DMRT2: variants seen among roughly 807,000 people sequenced by gnomAD.
The protein encoded by DMRT2 is doublesex- and mab-3-related transcription factor 2.
DMRT2 carries 33 observed loss-of-function variants against 43.5 expected under a neutral mutation model. That is an observed-to-expected ratio of 0.76 (90% CI 0.58 to 1.01). The LOEUF is 1.01. Among genes scored for constraint, DMRT2 ranks in the 50% least tolerant of loss-of-function variants. The pLI is 0.00. For synonymous variants in DMRT2, 395 were observed against 309.2 expected (o/e 1.28, Z -2.91); for missense variants, 1,064 against 748.0 (o/e 1.42, Z -4.93).
intron 3 of DMRT2, chr9:1,055,999 C>T (rs915713701): frequency 1.7e-5 from 24 of 1,412,862 alleles, no homozygotes; most frequent in Non-Finnish European, 2.2e-5. Flanking sequence ...AGAACAAGAA[C>T]AACAACAAGA....
Position 1,057,497 on chromosome 9 carries a change from C to CCTG in DMRT2, c.*224_*225insCTG. The CCTG allele has an allele frequency of 2.1e-6, 1 of 486,566 alleles. No homozygotes were observed. The highest frequency in any genetic ancestry group is 3.6e-6 in the Non-Finnish European group (1 of 281,072). 30.1% of individuals were successfully genotyped at this position (486,566 alleles called of 1,614,324 possible). A position where few individuals can be genotyped will look rare whatever the true frequency, so the allele number is the denominator to read the frequency against. ...AATGTGCAAATTGTTAAGTACCACA[C>CCTG]TTTACACAGCATTTCAAAAAGCAAT... On this transcript the variant is annotated 3_prime_UTR_variant, in exon 4 of 4. Transcript: ENST00000358146.
chr9:1,056,952 C>A lies in DMRT2; in HGVS notation c.1365C>A (p.Ile455=). 4 of 1,614,194 alleles carry A rather than the reference C, an allele frequency of 2.5e-6. No individual in the cohort carries two copies. Among genetic ancestry groups the A allele is most frequent in the Non-Finnish European group, 3.4e-6 (4 of 1,180,036 alleles). The change falls in exon 4 of 4, where the codon ATC becomes ATA. Residue 455 remains isoleucine (I), a synonymous_variant. Coordinates refer to ENST00000358146, the MANE Select transcript of DMRT2 (RefSeq NM_181872.6). Reference sequence around the variant, plus strand: ...CTCAAGGGCATGTCTTAACGAAGATCAGCAAAGAAAACACCAGGCACCCTC... The same window carrying A: ...CTCAAGGGCATGTCTTAACGAAGATAAGCAAAGAAAACACCAGGCACCCTC... ...LAAQGHVLTK[I]SKENTRHPLP...
rs533882403 is a variant in DMRT2, at chr9:1,055,884, C to G, written c.629-332C>G. 94 of 1,498,672 alleles carry G rather than the reference C, an allele frequency of 6.3e-5. No homozygotes were observed. The South Asian group carries it at 7.6e-4, about 12-fold the overall frequency. The allele number at this position is 1,498,672 out of a possible 1,614,324, so 92.8% of individuals were successfully genotyped here. A position where few individuals can be genotyped will look rare whatever the true frequency, so the allele number is the denominator to read the frequency against. ...TGATACAAGATAAATAGTCTTGTCT[C>G]TTAATGCGTAGGGGGCCTGGGAAGA... On this transcript the variant is annotated intron_variant, in intron 3 of 3. Transcript: ENST00000358146.
Position 1,051,947 on chromosome 9 carries a change from G to A in DMRT2, c.334G>A (p.Ala112Thr). The A allele has an allele frequency of 7.3e-7, 1 of 1,375,318 alleles. No individual in the cohort carries two copies. Among genetic ancestry groups the A allele is most frequent in the Non-Finnish European group, 9.3e-7 (1 of 1,072,346 alleles). The allele number at this position is 1,375,318 out of a possible 1,614,324, so 85.2% of individuals were successfully genotyped here. A position where few individuals can be genotyped will look rare whatever the true frequency, so the allele number is the denominator to read the frequency against. The part of the protein sequence containing the change: ...RERCTPAGGG[A>T]EPRKLSRTPK... ...GCGCTGCACTCCCGCGGGCGGCGGC[G>A]CGGAGCCGCGCAAGCTGAGCCGCAC... Residue 112 changes from alanine to threonine, a missense_variant, in exon 2 of 4, where the codon GCG becomes ACG. Transcript: ENST00000358146. This position sits in a 1 kb window ranked among gnomAD's most constrained non-coding sequence, Gnocchi z 5.9.
At position 1,057,147 on chromosome 9, in the gene DMRT2, A is replaced by G. The variant is rs1822062331; in HGVS notation, c.1560A>G (p.Arg520=). ...AGAAGTACACATTTACAATAGATAGATGTGCAAAAGACCTTTTTGTAGCCA... is the reference window on the plus strand; with the variant it reads ...AGAAGTACACATTTACAATAGATAGGTGTGCAAAAGACCTTTTTGTAGCCA... ...DNQKYTFTID[R]CAKDLFVAKQ... The change falls in exon 4 of 4, where the codon AGA becomes AGG. Residue 520 remains arginine, a synonymous_variant. Coordinates refer to ENST00000358146, the MANE Select transcript of DMRT2 (RefSeq NM_181872.6). 1.2e-6 allele frequency: 2 copies of G among 1,614,120 alleles called. No individual in the cohort carries two copies. The highest frequency in any genetic ancestry group is 2.2e-5 in the East Asian group (1 of 44,864).
chr9:1,056,172 C>A, intron 3 of DMRT2, 44 bp from the exon 4 acceptor site: 1 of 1,548,942 alleles, frequency 6.5e-7, no homozygotes, highest in Non-Finnish European at 8.7e-7. Context: ...ATTTTTATTC[C>A]GTAGATGTTA....
rs756386682 is a variant in DMRT2, at chr9:1,052,108, G to C, written c.495G>C (p.Gln165His). The C allele has an allele frequency of 1.4e-6, 2 of 1,428,608 alleles. No homozygotes were observed. The highest frequency in any genetic ancestry group is 1.8e-6 in the Non-Finnish European group (2 of 1,097,536). The allele number at this position is 1,428,608 out of a possible 1,614,324, so 88.5% of individuals were successfully genotyped here. ...VVERQRVMAA[Q>H]VALRRQQATE... ...AGCGGCAGCGCGTCATGGCCGCCCA[G>C]GTGGCGCTCCGGAGGCAGCAGGCCA... The change falls in exon 2 of 4, where the codon CAG becomes CAC. Residue 165 changes from glutamine to histidine, a missense_variant. Gln to His is a conservative substitution (Grantham distance 24, BLOSUM62 0). Coordinates refer to ENST00000358146, the MANE Select transcript of DMRT2 (RefSeq NM_181872.6).
rs150135765 is a variant in DMRT2, at chr9:1,056,973, C to T, written c.1386C>T (p.His462=). Residue 462 remains histidine, a synonymous_variant, in exon 4 of 4, where the codon CAC becomes CAT. Coordinates refer to ENST00000358146, the MANE Select transcript of DMRT2 (RefSeq NM_181872.6). ...AGATCAGCAAAGAAAACACCAGGCA[C>T]CCTCTGCCACTTAGACATAATCCAT... ...LTKISKENTR[H]PLPLRHNPFH... The T allele has an allele frequency of 9.3e-6, 15 of 1,614,206 alleles. No individual in the cohort carries two copies. In the East Asian group the frequency reaches 2.7e-4, roughly 29 times the overall value.
At chr9:1,053,216 G>C (rs573214787) in intron 2 of DMRT2, 1 of 152,704 alleles carries the variant, frequency 6.5e-6, no homozygotes, top group African/African-American at 2.4e-5. Flanking sequence ...TTTGCAGCCG[G>C]ACCCAGGAGA....
intron 1 of DMRT2, among the ~76,000 whole-genome samples, chr9:1,050,990 A>C (rs550409851): frequency 1.3e-5 from 2 of 152,210 alleles, no homozygotes; most frequent in East Asian, 3.9e-4. Flanking sequence ...CGCTAATGAC[A>C]ACAAAATTTT....
rs1243285536 is a variant in DMRT2 at position 1,057,055 on chromosome 9, C to G, written c.1468C>G (p.Pro490Ala). ...TDKSGPELKT[P>A]FVKEAFEETP... ...CAAATCGGGTCCTGAGTTGAAAACA[C>G]CATTTGTCAAAGAGGCCTTTGAAGA... Residue 490 changes from proline to alanine, a missense_variant, in exon 4 of 4, where the codon CCA (proline) becomes GCA (alanine). Transcript: ENST00000358146. 1 of 1,614,066 alleles carries G rather than the reference C, an allele frequency of 6.2e-7. No homozygotes were observed. The highest frequency in any genetic ancestry group is 2.2e-5 in the East Asian group (1 of 44,896).
rs768680474 is a variant in DMRT2, at chr9:1,051,668, A to T, written c.55A>T (p.Ser19Cys). 5 of 1,570,410 alleles carry T rather than the reference A, an allele frequency of 3.2e-6. No individual in the cohort carries two copies. The East Asian group carries it at 1.2e-4, about 37-fold the overall frequency. Reference protein sequence around the residue: ...AAGDWEIDVESLELEEDVCGA... With the variant: ...AAGDWEIDVECLELEEDVCGA... ...CGGGGACTGGGAGATCGATGTCGAG[A>T]GCCTGGAGCTGGAAGAGGACGTCTG... The change falls in exon 2 of 4, where the codon AGC becomes TGC. Residue 19 changes from serine to cysteine, a missense_variant. Transcript: ENST00000358146. This position sits in a 1 kb window ranked among gnomAD's most constrained non-coding sequence, Gnocchi z 5.9.
chr9:1,055,731 G>T, intron 3 of DMRT2: 3 of 1,483,920 alleles, frequency 2.0e-6, no homozygotes, highest in East Asian at 2.5e-5. Context: ...GTTCTCCTTG[G>T]ATTATTCTAC....
In DMRT2 at chr9:1,051,646, G is replaced by A. The variant is rs749975851; in HGVS notation, c.33G>A (p.Gly11=). 1.6e-5 allele frequency: 25 copies of A among 1,568,236 alleles called. No individual in the cohort carries two copies. In the African/African-American group the frequency reaches 1.7e-4, roughly 10 times the overall value. Residue 11 remains glycine (G), a synonymous_variant, in exon 2 of 4, where the codon GGG becomes GGA. Transcript: ENST00000358146. The surrounding 1 kb of genome is among the most constrained non-coding windows in gnomAD (Gnocchi z 5.9). The part of the protein sequence containing the change: MADPQAGSAA[G]DWEIDVESLE... ...ACCCGCAGGCTGGCTCCGCGGCCGG[G>A]GACTGGGAGATCGATGTCGAGAGCC... is the stretch of plus-strand genomic sequence containing the variant.
chr9:1,056,723 A>G lies in DMRT2; in HGVS notation c.1136A>G (p.Lys379Arg). Residue 379 changes from lysine (K) to arginine (R), a missense_variant, in exon 4 of 4, where the codon AAG becomes AGG. Physicochemically the swap from Lys to Arg is conservative, Grantham distance 26. Coordinates refer to ENST00000358146, the MANE Select transcript of DMRT2 (RefSeq NM_181872.6). ...ALKPGASWDL[K>R]GARVQDGLSA... ...AAGCCTGGGGCCAGCTGGGACTTGA[A>G]GGGAGCACGAGTCCAGGATGGACTC... 6.2e-7 allele frequency: 1 copy of G among 1,614,162 alleles called. No individual in the cohort carries two copies. Among genetic ancestry groups the G allele is most frequent in the Non-Finnish European group, 8.5e-7 (1 of 1,180,020 alleles).
intron 2 of DMRT2, 79 bp from the exon 3 acceptor site, chr9:1,053,643 T>C: frequency 1.6e-6 from 2 of 1,224,080 alleles, no homozygotes; most frequent in Non-Finnish European, 2.3e-6. Context: ...TCTAGAAGAT[T>C]TACGGACATC....
In DMRT2 at chr9:1,051,501, G is replaced by C; in HGVS notation, c.-44-69G>C. 8 of 1,401,942 alleles carry C rather than the reference G, an allele frequency of 5.7e-6. No homozygotes were observed. The highest frequency in any genetic ancestry group is 7.4e-6 in the Non-Finnish European group (8 of 1,086,774). The allele number at this position is 1,401,942 out of a possible 1,614,324, so 86.8% of individuals were successfully genotyped here. On this transcript the variant is annotated intron_variant, in intron 1 of 3. Transcript: ENST00000358146. This position sits in a 1 kb window ranked among gnomAD's most constrained non-coding sequence, Gnocchi z 5.9. The stretch of plus-strand genomic sequence containing the variant: ...CGGAGGCGGGCAGACCAGGAGCTTT[G>C]GGCCGGAGGCTCAGGGATGGTCCCT...
intron 3 of DMRT2, chr9:1,056,001 A>G (rs1438319465): frequency 4.9e-6 from 7 of 1,415,034 alleles, no homozygotes; most frequent in South Asian, 1.7e-5. Context: ...AACAAGAACA[A>G]CAACAAGAAG....
In DMRT2 at chr9:1,057,076, G is replaced by C; in HGVS notation, c.1489G>C (p.Glu497Gln). The C allele has an allele frequency of 6.2e-7, 1 of 1,614,164 alleles. No homozygotes were observed. Among genetic ancestry groups the C allele is most frequent in the South Asian group, 1.1e-5 (1 of 91,086 alleles). ...LKTPFVKEAF[E>Q]ETPKKHRECL... ...AACACCATTTGTCAAAGAGGCCTTT[G>C]AAGAGACCCCTAAGAAACACAGAGA... Residue 497 changes from glutamate (E) to glutamine (Q), a missense_variant, in exon 4 of 4, where the codon GAA (glutamate) becomes CAA (glutamine). Glu to Gln is a conservative substitution (Grantham distance 29, BLOSUM62 2). Transcript: ENST00000358146.
Sources: gnomAD v4.1 joint callset for allele counts (sites outside exome capture counted in the v4.1 genomes callset) on GRCh38, gnomAD v4.1.1 for gene constraint, Gnocchi (gnomAD v3.1) non-coding constraint, MANE v1.5 for transcripts, NCBI Gene and HGNC (gene_info 2026-07-23, HGNC 2026-07-21) for gene names.